Variants in COL19A1 observed in about 807,000 individuals in gnomAD.
COL19A1 encodes collagen type XIX alpha 1 chain.
In COL19A1, 159 loss-of-function variants were observed where a neutral mutation model predicts 190.2. The ratio of observed to expected loss-of-function variants is 0.84; its 90% CI spans 0.73 to 0.95. COL19A1 has a LOEUF of 0.95. Among genes scored for constraint, COL19A1 ranks in the 40% least tolerant of loss-of-function variants. The pLI is 0.00. For synonymous variants in COL19A1, 509 were observed against 458.9 expected (o/e 1.11, Z -1.39); for missense variants, 1,418 against 1,431.9 (o/e 0.99, Z 0.16).
intron 34 of COL19A1, among the ~76,000 whole-genome samples, chr6:70,158,557 G>A (rs3806042): frequency 0.13 from 20,179 of 152,030 alleles, 1,654 homozygotes; most frequent in African/African-American, 0.23. Context: ...TTTCACAGAC[G>A]TTGTTGCACA....
rs1772871182 is a variant in COL19A1, at chr6:69,932,881, G to T, written c.747+18G>T. 1.3e-6 allele frequency: 2 copies of T among 1,526,922 alleles called. No individual in the cohort carries two copies. The highest frequency in any genetic ancestry group is 1.7e-5 in the Admixed American group (1 of 57,616). 94.6% of individuals were successfully genotyped at this position (1,526,922 alleles called of 1,614,324 possible). On this transcript the variant is annotated intron_variant, in intron 7 of 50. Transcript: ENST00000620364. ...ATACTAAGGTAAGTTAATTTTCTTT[G>T]CATATGAAGAATGAAGAACGCCAAT...
intron 15 of COL19A1, among the ~76,000 whole-genome samples, chr6:70,088,276 T>A (rs1335623220): frequency 6.6e-6 from 1 of 151,898 alleles, no homozygotes; most frequent in Non-Finnish European, 1.5e-5. Flanking sequence ...TTTTTATTCC[T>A]TTTTTTTCCC....
chr6:70,165,490 T>A (rs1275954527), intron 36 of COL19A1, among the ~76,000 whole-genome samples: 1 of 152,080 alleles, frequency 6.6e-6, no homozygotes, highest in African/African-American at 2.4e-5. Flanking sequence ...TTTTTTTACT[T>A]TCGTCAAATT....
At chr6:69,913,244 T>G (rs1771077444) in intron 4 of COL19A1, among the ~76,000 whole-genome samples, 1 of 152,198 alleles carries the variant, frequency 6.6e-6, no homozygotes, top group Non-Finnish European at 1.5e-5. Context: ...ATATTGTCAT[T>G]ATTATTTCTA....
intron 11 of COL19A1, among the ~76,000 whole-genome samples, chr6:69,974,835 C>A (rs191278277): frequency 0.015 from 1,579 of 103,412 alleles, 17 homozygotes; most frequent in Non-Finnish European, 0.02. Context: ...TTTTTTGAGA[C>A]GGAGTCTTGC....
At chr6:70,044,708 T>C (rs1779814335) in intron 14 of COL19A1, among the ~76,000 whole-genome samples, 1 of 152,274 alleles carries the variant, frequency 6.6e-6, no homozygotes, top group Admixed American at 6.5e-5. Context: ...GAAATGCCAG[T>C]GGCAGATATG....
intron 9 of COL19A1, among the ~76,000 whole-genome samples, chr6:69,952,123 C>A (rs1487067927): frequency 6.6e-6 from 1 of 151,804 alleles, no homozygotes; most frequent in South Asian, 2.1e-4. Flanking sequence ...ATTCTGACTC[C>A]CCCACCTTCA....
intron 14 of COL19A1, among the ~76,000 whole-genome samples, chr6:70,037,471 T>C (rs576161975): frequency 2.4e-4 from 36 of 151,742 alleles, no homozygotes; most frequent in African/African-American, 8.4e-4. Flanking sequence ...CTTTGTAGAA[T>C]TAAAAAAAAA....
intron 11 of COL19A1, among the ~76,000 whole-genome samples, chr6:70,001,234 G>A (rs568396581): frequency 7.9e-5 from 12 of 152,212 alleles, no homozygotes; most frequent in South Asian, 2.1e-4. Context: ...CTATATGTCC[G>A]TTTTGGTACC....
At chr6:70,147,907 G>C (rs2150242603) in intron 27 of COL19A1, among the ~76,000 whole-genome samples, 1 of 152,252 alleles carries the variant, frequency 6.6e-6, no homozygotes, top group South Asian at 2.1e-4. Flanking sequence ...GTGGTCCACA[G>C]AATCAAGTAA....
chr6:70,199,910 C>A, intron 49 of COL19A1, 174 bp downstream of exon 49: 1 of 623,876 alleles, frequency 1.6e-6, no homozygotes, highest in Admixed American at 2.7e-5. Flanking sequence ...TAATATTTGA[C>A]ATTCTAGAAG....
At chr6:69,978,994 G>T (rs1775882883) in intron 11 of COL19A1, among the ~76,000 whole-genome samples, 1 of 151,738 alleles carries the variant, frequency 6.6e-6, no homozygotes, top group African/African-American at 2.4e-5. Context: ...GAAAATGGAT[G>T]ATTTCCTCAA....
intron 1 of COL19A1, chr6:69,867,388 G>A: frequency 6.4e-6 from 1 of 155,530 alleles, no homozygotes; most frequent in Non-Finnish European, 1.4e-5. Context: ...CCTCCCTGCA[G>A]CCACCGCCGC....
chr6:70,152,189 T>G (rs1583035564), intron 31 of COL19A1, among the ~76,000 whole-genome samples: 1 of 151,908 alleles, frequency 6.6e-6, no homozygotes. Context: ...TCAAACACAG[T>G]GTGTTGTATC....
At chr6:70,000,387 A>G (rs1160083247) in intron 11 of COL19A1, among the ~76,000 whole-genome samples, 2 of 152,172 alleles carry the variant, frequency 1.3e-5, no homozygotes, top group African/African-American at 4.8e-5. Context: ...TATACCCAGT[A>G]ATGGGATTGC....
intron 14 of COL19A1, chr6:70,059,822 A>T (rs1447331409): frequency 1.9e-6 from 1 of 514,218 alleles, no homozygotes; most frequent in Non-Finnish European, 3.9e-6. Flanking sequence ...TGTGTGCAAA[A>T]TTTTAGAAAT....
At chr6:70,029,197 A>G (rs1325819359) in intron 12 of COL19A1, among the ~76,000 whole-genome samples, 1 of 152,184 alleles carries the variant, frequency 6.6e-6, no homozygotes, top group East Asian at 1.9e-4. Flanking sequence ...AAAGCTTGTG[A>G]AAAGAATTAA....
intron 7 of COL19A1, among the ~76,000 whole-genome samples, chr6:69,936,349 T>C (rs1025540924): frequency 3.9e-5 from 6 of 152,184 alleles, no homozygotes; most frequent in Admixed American, 2.6e-4. Flanking sequence ...CTACTTTATA[T>C]GCTTTAATAA....
chr6:70,160,450 A>C (rs950331077), intron 34 of COL19A1, among the ~76,000 whole-genome samples: 2 of 152,236 alleles, frequency 1.3e-5, no homozygotes, highest in Non-Finnish European at 1.5e-5. Flanking sequence ...CATATCAACA[A>C]CACCTCATCT....
Sources: allele counts gnomAD v4.1 joint callset (sites outside exome capture counted in the v4.1 genomes callset), GRCh38; gene constraint gnomAD v4.1.1; transcripts MANE v1.5; gene names NCBI Gene and HGNC (gene_info 2026-07-23, HGNC 2026-07-21).